DLGAP1: variants seen among roughly 807,000 people sequenced by gnomAD.
The protein encoded by DLGAP1 is DLG associated protein 1.
DLGAP1 carries 11 observed loss-of-function variants against 90.8 expected under a neutral mutation model. The ratio of observed to expected loss-of-function variants is 0.12; its 90% confidence interval spans 0.08 to 0.20. The LOEUF (loss-of-function observed/expected upper bound fraction) is 0.20, where lower values mean the gene tolerates loss of function less well. Among genes scored for constraint, DLGAP1 ranks in the 10% least tolerant of loss-of-function variants. The pLI, the probability that DLGAP1 is intolerant of heterozygous loss-of-function variation, is 1.00. For missense variants in DLGAP1, 1,050 were observed against 1,333.8 expected (o/e 0.79, Z 3.31); for synonymous variants, 558 against 540.7 (o/e 1.03, Z -0.44).
intron 3 of DLGAP1, among the ~76,000 whole-genome samples, chr18:3,989,363 G>A (rs371046865): frequency 3.1e-4 from 47 of 152,316 alleles, no homozygotes; most frequent in African/African-American, 1.1e-3. Context: ...TTACGGGCAG[G>A]AACAGAGCTG....
chr18:4,377,620 CTTATA>C (rs1281026684), intron 1 of DLGAP1, among the ~76,000 whole-genome samples: 4 of 151,968 alleles, frequency 2.6e-5, no homozygotes, highest in African/African-American at 4.8e-5. Flanking sequence ...TTATATTGTC[CTTATA>C]TTATGACATG....
intron 1 of DLGAP1, among the ~76,000 whole-genome samples, chr18:4,388,316 C>T (rs1194270768): frequency 2.0e-5 from 3 of 151,728 alleles, no homozygotes; most frequent in African/African-American, 4.8e-5. Context: ...GAGACGGTTT[C>T]GAAGGAAAAA....
intron 1 of DLGAP1, among the ~76,000 whole-genome samples, chr18:4,269,568 A>C (rs1160090071): frequency 4.6e-5 from 7 of 151,846 alleles, no homozygotes; most frequent in South Asian, 2.1e-4. Flanking sequence ...GTTAGCCAGG[A>C]TGGTCTCGAT....
Position 4,393,324 on chromosome 18 carries a change from A to G in DLGAP1, c.-267+61682T>C, listed in dbSNP as rs2082375819. Among the ~76,000 whole-genome samples, 3 of 152,094 alleles carry G rather than the reference A, an allele frequency of 2.0e-5. No individual in the cohort carries two copies. In the South Asian group the frequency reaches 6.2e-4, roughly 32 times the overall value. On this transcript the variant is annotated intron_variant, in intron 1 of 12. Coordinates refer to ENST00000315677, the MANE Select transcript of DLGAP1 (RefSeq NM_004746.4). ...GTACTCCATGCCTCTCTCTCTCACT[A>G]TGCTTCAGCCACAGCCATCTTTTTG...
intron 8 of DLGAP1, among the ~76,000 whole-genome samples, chr18:3,570,334 A>T (rs1173524755): frequency 6.7e-6 from 1 of 150,142 alleles, no homozygotes; most frequent in Non-Finnish European, 1.5e-5. Flanking sequence ...GTTAGAGTGC[A>T]GTGGTATGAT....
Position 4,066,869 on chromosome 18 carries a change from T to C in DLGAP1, c.-158-61668A>G, listed in dbSNP as rs146745772. ...TAAATCATTCTACCAGAAAAACACA[T>C]GCATGTGAATGTTCATTGCAGCACT... On this transcript the variant is annotated intron_variant, in intron 2 of 12. Transcript: ENST00000315677. 9.9e-3 allele frequency among the ~76,000 whole-genome samples: 1,506 copies of C among 152,166 alleles called. 15 individuals carry two copies. The highest frequency in any genetic ancestry group is 0.017 in the Non-Finnish European group (1,129 of 67,990).
intron 7 of DLGAP1, chr18:3,708,533 G>A (rs2061506715): frequency 2.2e-6 from 1 of 456,472 alleles, no homozygotes; most frequent in South Asian, 1.5e-5. Flanking sequence ...TCTCATTTCT[G>A]CTCCGTTTCC....
At chr18:3,943,041 T>C (rs1194782346) in intron 3 of DLGAP1, among the ~76,000 whole-genome samples, 4 of 152,164 alleles carry the variant, frequency 2.6e-5, no homozygotes, top group Non-Finnish European at 5.9e-5. Context: ...ATCTTCAGCT[T>C]TCTTTACCTT....
chr18:3,812,851 TTTTTG>T (rs1228472452), intron 5 of DLGAP1, among the ~76,000 whole-genome samples: 2 of 152,238 alleles, frequency 1.3e-5, no homozygotes, highest in South Asian at 2.1e-4. Flanking sequence ...CTGCTTTGAT[TTTTTG>T]TTTTATTTTG....
At chr18:3,533,256 AAAG>A (rs1319649367) in intron 10 of DLGAP1, among the ~76,000 whole-genome samples, 1 of 152,222 alleles carries the variant, frequency 6.6e-6, no homozygotes, top group African/African-American at 2.4e-5. Flanking sequence ...CTGTCTGAAA[AAAG>A]AAAGAAAAGA....
chr18:3,930,470 C>G (rs138496306), intron 3 of DLGAP1, among the ~76,000 whole-genome samples: 1 of 152,270 alleles, frequency 6.6e-6, no homozygotes, highest in Non-Finnish European at 1.5e-5. Flanking sequence ...TAGCATTTAA[C>G]ATCTTGAGTG....
At chr18:4,085,134 C>T (rs2075663763) in intron 2 of DLGAP1, among the ~76,000 whole-genome samples, 1 of 152,050 alleles carries the variant, frequency 6.6e-6, no homozygotes, top group South Asian at 2.1e-4. Context: ...CTTGGTGCAA[C>T]TGAATGGTAG....
chr18:3,673,770 T>G (rs1302715670), intron 7 of DLGAP1, among the ~76,000 whole-genome samples: 1 of 151,490 alleles, frequency 6.6e-6, no homozygotes, highest in Admixed American at 6.6e-5. Context: ...GGTCTCAAAC[T>G]CCTGACCTCA....
intron 3 of DLGAP1, among the ~76,000 whole-genome samples, chr18:3,998,484 C>CCT (rs61316113): frequency 0.27 from 40,512 of 151,908 alleles, 5,572 homozygotes; most frequent in Middle Eastern, 0.34. Flanking sequence ...CTTCCACAGA[C>CCT]CTGTAATCAG....
At chr18:3,959,879 C>G (rs1002504636) in intron 3 of DLGAP1, among the ~76,000 whole-genome samples, 11 of 152,152 alleles carry the variant, frequency 7.2e-5, no homozygotes, top group African/African-American at 2.7e-4. Flanking sequence ...TACACCGTCT[C>G]TTTTTACACT....
At chr18:3,674,258 C>A (rs1210521421) in intron 7 of DLGAP1, among the ~76,000 whole-genome samples, 3 of 145,508 alleles carry the variant, frequency 2.1e-5, no homozygotes, top group Non-Finnish European at 4.5e-5. Flanking sequence ...TGAGAACAGC[C>A]TGGGCAACAG....
intron 7 of DLGAP1, among the ~76,000 whole-genome samples, chr18:3,680,399 TCA>T (rs2060469417): frequency 6.6e-6 from 1 of 152,334 alleles, no homozygotes; most frequent in Non-Finnish European, 1.5e-5. Flanking sequence ...AGTACAGTGA[TCA>T]CAGAGTCTCA....
intron 2 of DLGAP1, among the ~76,000 whole-genome samples, chr18:4,098,429 T>G (rs2075720405): frequency 6.6e-6 from 1 of 152,068 alleles, no homozygotes; most frequent in Non-Finnish European, 1.5e-5. Context: ...CAGGAGATAA[T>G]GCAGTGGGTA....
chr18:3,499,891 A>T lies in DLGAP1; in HGVS notation c.2725-497T>A, dbSNP rs534269519. ...CCGCCCACCGTCCCCTTCCCACCAA[A>T]CCTAAATAAACAGAGGAGGAAGAAG... is the stretch of plus-strand genomic sequence containing the variant. On this transcript the variant is annotated intron_variant, in intron 12 of 12. Transcript: ENST00000315677. This position sits in a 1 kb window ranked among gnomAD's most constrained non-coding sequence, Gnocchi z 6.4. 6.6e-6 allele frequency among the ~76,000 whole-genome samples: 1 copy of T among 152,174 alleles called. No individual in the cohort carries two copies. Among genetic ancestry groups the T allele is most frequent in the East Asian group, 1.9e-4 (1 of 5,166 alleles).
Sources: allele counts gnomAD v4.1 joint callset (sites outside exome capture counted in the v4.1 genomes callset), GRCh38; gene constraint gnomAD v4.1.1; non-coding constraint Gnocchi (gnomAD v3.1); transcripts MANE v1.5; gene names NCBI Gene and HGNC (gene_info 2026-07-23, HGNC 2026-07-21).